The following CLEC16A variants were observed in gnomAD, a reference collection of about 807,000 sequenced individuals.
CLEC16A encodes protein CLEC16A.
Under a neutral mutation model 109.5 loss-of-function variants are expected in CLEC16A, and 51 were observed. That is an observed-to-expected ratio of 0.47 (90% CI 0.37 to 0.59). The LOEUF (loss-of-function observed/expected upper bound fraction) is 0.59, where lower values mean the gene tolerates loss of function less well. Ranked by LOEUF, CLEC16A falls within the 20% of genes least tolerant of loss-of-function variation. The pLI is 0.00. For missense variants in CLEC16A, 1,339 were observed against 1,394.0 expected, an observed-to-expected ratio of 0.96 and a Z score of 0.63; for synonymous variants, 673 against 564.2, an observed-to-expected ratio of 1.19 and a Z score of -2.73.
At chr16:11,060,248 A>C (rs2048407941) in intron 18 of CLEC16A, among the ~76,000 whole-genome samples, 1 of 152,086 alleles carries the variant, frequency 6.6e-6, no homozygotes, top group Admixed American at 6.5e-5. Flanking sequence ...GTCACTGCCC[A>C]CCTGCTAGGT....
intron 1 of CLEC16A, among the ~76,000 whole-genome samples, chr16:10,953,565 A>G (rs1170891710): frequency 6.6e-6 from 1 of 152,244 alleles, no homozygotes; most frequent in Non-Finnish European, 1.5e-5. Flanking sequence ...GACCCAGTAT[A>G]AAGGGAACGA....
intron 2 of CLEC16A, among the ~76,000 whole-genome samples, chr16:10,959,045 G>GTGTA (rs2145984113): frequency 6.6e-6 from 1 of 152,088 alleles, no homozygotes; most frequent in South Asian, 2.1e-4. Flanking sequence ...GTGTGTGTGT[G>GTGTA]TGTGTGTCTG....
chr16:10,992,705 G>A (rs903306801), intron 10 of CLEC16A, among the ~76,000 whole-genome samples: 6 of 151,876 alleles, frequency 4.0e-5, no homozygotes, highest in Non-Finnish European at 7.4e-5. Flanking sequence ...TCCCTGCCTC[G>A]AGTAATTGTT....
At chr16:11,032,283 G>C (rs138439387) in intron 13 of CLEC16A, among the ~76,000 whole-genome samples, 1 of 152,324 alleles carries the variant, frequency 6.6e-6, no homozygotes, top group Non-Finnish European at 1.5e-5. Context: ...GTCTGCAGGG[G>C]GTGGCACAGG....
At chr16:11,050,092 A>G (rs76969865) in intron 17 of CLEC16A, among the ~76,000 whole-genome samples, 20,494 of 152,262 alleles carry the variant, frequency 0.13, 1,391 homozygotes, top group South Asian at 0.15. Flanking sequence ...GTCCAATATC[A>G]GGTGCCAGCA....
At chr16:11,123,268 G>C (rs2052565402) in intron 20 of CLEC16A, among the ~76,000 whole-genome samples, 1 of 152,124 alleles carries the variant, frequency 6.6e-6, no homozygotes, top group South Asian at 2.1e-4. Context: ...CATACAAATG[G>C]TTGCCAACGA....
intron 19 of CLEC16A, among the ~76,000 whole-genome samples, chr16:11,120,330 T>C (rs1489517202): frequency 1.3e-5 from 2 of 152,252 alleles, no homozygotes; most frequent in African/African-American, 4.8e-5. Context: ...ATTGGACAGA[T>C]GCTTTATGTA....
intron 22 of CLEC16A, among the ~76,000 whole-genome samples, chr16:11,152,961 G>A (rs1211729698): frequency 6.6e-6 from 1 of 152,122 alleles, no homozygotes; most frequent in African/African-American, 2.4e-5. Flanking sequence ...GATCTCCAGC[G>A]AGGGTATGAA....
rs937756631 is a variant in CLEC16A at position 11,014,203 on chromosome 16, T to C, written c.1304-5990T>C. Among the ~76,000 whole-genome samples the C allele has an allele frequency of 1.6e-4, 24 of 152,346 alleles. 1 individual carries two copies. Among genetic ancestry groups the C allele is most frequent in the Admixed American group, 1.2e-3 (18 of 15,308 alleles). ...TTTGTGTATGTTTTCTTCTTTTCCT[T>C]TCTTACATACAGGGTAGCATATGTG... On this transcript the variant is annotated intron_variant, in intron 11 of 23. Coordinates refer to ENST00000409790, the MANE Select transcript of CLEC16A (RefSeq NM_015226.3).
In CLEC16A at chr16:10,962,488, C is replaced by T. The variant is rs1467694075; in HGVS notation, c.243C>T (p.Phe81=). Residue 81 remains phenylalanine (F), a synonymous_variant, in exon 3 of 24, where the codon TTC becomes TTT. Transcript: ENST00000409790. ...TGGAGAAGAATATGTTTGTTTTCTT[C>T]TTGAACATCTTGCGGCAAAAGTCGG... ...FFLEKNMFVF[F]LNILRQKSGR... 1.2e-6 allele frequency: 2 copies of T among 1,613,852 alleles called. No homozygotes were observed. The highest frequency in any genetic ancestry group is 1.7e-6 in the Non-Finnish European group (2 of 1,179,884).
chr16:10,966,785 A>T (rs1465765736), intron 3 of CLEC16A, among the ~76,000 whole-genome samples: 1 of 152,102 alleles, frequency 6.6e-6, no homozygotes, highest in African/African-American at 2.4e-5. Context: ...GATGGGGGAA[A>T]CCACCCCCAT....
At chr16:11,115,801 A>C (rs2051945636) in intron 19 of CLEC16A, among the ~76,000 whole-genome samples, 1 of 152,118 alleles carries the variant, frequency 6.6e-6, no homozygotes, top group Non-Finnish European at 1.5e-5. Flanking sequence ...TCCAGTATGG[A>C]ACTAAAAATT....
chr16:11,129,421 T>G (rs989938519), intron 22 of CLEC16A, among the ~76,000 whole-genome samples: 1 of 152,258 alleles, frequency 6.6e-6, no homozygotes, highest in African/African-American at 2.4e-5. Context: ...GACATCTGGA[T>G]TCTCCTCTTT....
chr16:11,165,361 A>T (rs1027346486), intron 22 of CLEC16A, among the ~76,000 whole-genome samples: 1 of 151,958 alleles, frequency 6.6e-6, no homozygotes, highest in South Asian at 2.1e-4. Context: ...GTATGGTGGC[A>T]TATCCCTGTA....
At chr16:10,981,934 A>C (rs2043344081) in intron 9 of CLEC16A, among the ~76,000 whole-genome samples, 1 of 152,196 alleles carries the variant, frequency 6.6e-6, no homozygotes, top group African/African-American at 2.4e-5. Flanking sequence ...GAGGTCAGGG[A>C]TGCTGCTCAC....
At chr16:10,969,719 C>G (rs1450033903) in intron 4 of CLEC16A, among the ~76,000 whole-genome samples, 10 of 152,054 alleles carry the variant, frequency 6.6e-5, no homozygotes, top group Admixed American at 6.5e-4. Context: ...GGAGACATGC[C>G]CAGATGTTGT....
At chr16:10,959,851 G>A (rs896627063) in intron 2 of CLEC16A, among the ~76,000 whole-genome samples, 5 of 151,694 alleles carry the variant, frequency 3.3e-5, no homozygotes, top group East Asian at 1.9e-4. Flanking sequence ...GAGCTCAAAC[G>A]ATTCTTCCTC....
chr16:11,166,647 C>T, intron 23 of CLEC16A, 95 bp downstream of exon 23: 1 of 1,282,892 alleles, frequency 7.8e-7, no homozygotes, highest in Non-Finnish European at 1.0e-6. Flanking sequence ...TCCTCCTTGT[C>T]ACAGCACTTG....
chr16:11,025,580 A>G (rs969976690), intron 13 of CLEC16A, among the ~76,000 whole-genome samples: 3 of 152,240 alleles, frequency 2.0e-5, no homozygotes, highest in African/African-American at 7.2e-5. Context: ...TCTTCAAAGA[A>G]GAATTCAGGA....
Sources: gnomAD v4.1 joint callset for allele counts (sites outside exome capture counted in the v4.1 genomes callset) on GRCh38, gnomAD v4.1.1 for gene constraint, MANE v1.5 for transcripts, NCBI Gene and HGNC (gene_info 2026-07-23, HGNC 2026-07-21) for gene names.